The following ARHGAP21 variants were observed in gnomAD, a reference collection of about 807,000 sequenced individuals.
ARHGAP21 encodes Rho GTPase activating protein 21.
A neutral mutation model predicts 164.6 loss-of-function variants in ARHGAP21; 38 were observed. That is an observed-to-expected ratio of 0.23 (90% CI 0.18 to 0.30). The LOEUF is 0.30. Among genes scored for constraint, ARHGAP21 ranks in the 10% least tolerant of loss-of-function variants. The pLI is 1.00. For synonymous variants in ARHGAP21, 766 were observed against 857.9 expected, an observed-to-expected ratio of 0.89 and a Z score of 1.87; for missense variants, 1,822 against 2,370.7, an observed-to-expected ratio of 0.77 and a Z score of 4.81.
intron 2 of ARHGAP21, among the ~76,000 whole-genome samples, chr10:24,671,168 C>T (rs1380557766): frequency 6.6e-6 from 1 of 152,140 alleles, no homozygotes; most frequent in African/African-American, 2.4e-5. Context: ...TTACCCTCTC[C>T]CACTTCCTCA....
chr10:24,697,445 A>G (rs1843272240), intron 2 of ARHGAP21, among the ~76,000 whole-genome samples: 2 of 152,126 alleles, frequency 1.3e-5, no homozygotes, highest in Non-Finnish European at 2.9e-5. Flanking sequence ...CTTCTTCTCC[A>G]GGCTCCCCTC....
intron 7 of ARHGAP21, among the ~76,000 whole-genome samples, chr10:24,628,850 CATAT>C (rs369282461): frequency 8.9e-5 from 12 of 134,164 alleles, no homozygotes; most frequent in African/African-American, 3.1e-4. Context: ...TATACACATA[CATAT>C]ATATACACAT....
Position 24,591,893 on chromosome 10 carries a change from G to T in ARHGAP21, c.3996C>A (p.Ile1332=). The part of the protein sequence containing the change: ...PDQYKIVETL[I]QHHDWFFTEE... ...AGATGAAGCATGAACTTACGTGCTG[G>T]ATGAGCGTTTCTACAATCTTGTACT... Residue 1332 remains isoleucine, a synonymous_variant, in exon 22 of 26, where the codon ATC becomes ATA. Transcript: ENST00000396432. The T allele has an allele frequency of 6.2e-7, 1 of 1,606,862 alleles. No homozygotes were observed. The highest frequency in any genetic ancestry group is 8.5e-7 in the Non-Finnish European group (1 of 1,178,044).
intron 5 of ARHGAP21, among the ~76,000 whole-genome samples, chr10:24,634,576 T>C (rs922796065): frequency 3.9e-5 from 6 of 152,228 alleles, no homozygotes; most frequent in African/African-American, 1.2e-4. Flanking sequence ...ATGTTCCGCA[T>C]TGGAGACTTA....
Position 24,585,283 on chromosome 10 carries a change from G to T in ARHGAP21, c.5006C>A (p.Ser1669Tyr), listed in dbSNP as rs1192459581. ...QEVTKSSRRN[S>Y]EGSELSCTEG... is the part of the protein sequence containing the mutation. The stretch of plus-strand genomic sequence containing the variant: ...GGTGCAACTTAATTCACTTCCTTCA[G>T]AATTTCTCCGGCTGCTCTTAGTCAC... Residue 1669 changes from serine to tyrosine, a missense_variant, in exon 26 of 26, where the codon TCT becomes TAT. Around this residue, in one of 5 missense-constraint regions of ARHGAP21, gnomAD observed 117 missense variants for 193.2 expected, o/e 0.61. Coordinates refer to ENST00000396432, the MANE Select transcript of ARHGAP21 (RefSeq NM_020824.4). The T allele has an allele frequency of 1.2e-6, 2 of 1,608,658 alleles. No individual in the cohort carries two copies. Among genetic ancestry groups the T allele is most frequent in the Admixed American group, 1.7e-5 (1 of 59,908 alleles).
Position 24,619,893 on chromosome 10 carries a change from T to A in ARHGAP21, c.2002A>T (p.Arg668Trp), listed in dbSNP as rs1283589004. The change falls in exon 9 of 26, where the codon AGG (arginine) becomes TGG (tryptophan). Residue 668 changes from arginine to tryptophan, a missense_variant. Arg to Trp is a moderately radical substitution (Grantham distance 101, BLOSUM62 -3). Around this residue, in one of 5 missense-constraint regions of ARHGAP21, gnomAD observed 1,090 missense variants for 1,378.9 expected, o/e 0.79. Coordinates refer to ENST00000396432, the MANE Select transcript of ARHGAP21 (RefSeq NM_020824.4). ...TGCTGATCGGGGGCACTGTCAGTCCTTACCCATGTCTGCTGATTCAACAGA... is the reference window on the plus strand; with the variant it reads ...TGCTGATCGGGGGCACTGTCAGTCCATACCCATGTCTGCTGATTCAACAGA... The part of the protein sequence containing the change: ...NSLLNQQTWV[R>W]TDSAPDQQVE... The A allele has an allele frequency of 6.2e-7, 1 of 1,614,076 alleles. No individual in the cohort carries two copies. Among genetic ancestry groups the A allele is most frequent in the Non-Finnish European group, 8.5e-7 (1 of 1,180,044 alleles).
At chr10:24,597,606 T>C in intron 15 of ARHGAP21, 23 bp from the exon 16 acceptor site, 1 of 1,613,298 alleles carries the variant, frequency 6.2e-7, no homozygotes, top group East Asian at 2.2e-5. Flanking sequence ...ATGACATTTG[T>C]TAACAATTAC....
intron 4 of ARHGAP21, among the ~76,000 whole-genome samples, chr10:24,661,733 T>G (rs1337146926): frequency 5.3e-5 from 8 of 152,236 alleles, no homozygotes; most frequent in Admixed American, 5.2e-4. Context: ...AATGAGACAG[T>G]AAGATAAAAA....
At chr10:24,711,499 A>T (rs1844812402) in intron 2 of ARHGAP21, among the ~76,000 whole-genome samples, 1 of 152,202 alleles carries the variant, frequency 6.6e-6, no homozygotes, top group African/African-American at 2.4e-5. Context: ...TAGAAAACTC[A>T]AACCTGTTTC....
intron 21 of ARHGAP21, among the ~76,000 whole-genome samples, chr10:24,593,809 T>C (rs916185399): frequency 1.3e-5 from 2 of 152,150 alleles, no homozygotes; most frequent in African/African-American, 4.8e-5. Context: ...TATAATTATA[T>C]TGAAAACTCT....
At chr10:24,661,832 G>A (rs1012168992) in intron 4 of ARHGAP21, among the ~76,000 whole-genome samples, 4 of 152,192 alleles carry the variant, frequency 2.6e-5, no homozygotes, top group Non-Finnish European at 5.9e-5. Flanking sequence ...GTAAATAATT[G>A]TCTAGAAGTT....
At chr10:24,611,520 A>G (rs1041440564) in intron 9 of ARHGAP21, among the ~76,000 whole-genome samples, 12 of 152,250 alleles carry the variant, frequency 7.9e-5, no homozygotes, top group African/African-American at 2.9e-4. Flanking sequence ...CCTGGCCAAC[A>G]TGGTGAAGCT....
chr10:24,625,102 G>T, intron 7 of ARHGAP21, among the ~76,000 whole-genome samples: 2 of 79,128 alleles, frequency 2.5e-5, no homozygotes, highest in Non-Finnish European at 2.4e-5. Context: ...ATGACCCAAA[G>T]AATTCTTTCT....
At position 24,619,690 on chromosome 10, in the gene ARHGAP21, G is replaced by C; in HGVS notation, c.2205C>G (p.Val735=). ...CAGATGGAGGTTTTTCCCTTAGGATGACAGCTTCTTTATTATCTAAAGTAT... is the reference window on the plus strand; with the variant it reads ...CAGATGGAGGTTTTTCCCTTAGGATCACAGCTTCTTTATTATCTAAAGTAT... ...QSDTLDNKEA[V]ILREKPPSGR... The change falls in exon 9 of 26, where the codon GTC becomes GTG. Residue 735 remains valine (V), a synonymous_variant. Transcript: ENST00000396432. 4 of 1,614,124 alleles carry C rather than the reference G, an allele frequency of 2.5e-6. No homozygotes were observed. Among genetic ancestry groups the C allele is most frequent in the Non-Finnish European group, 3.4e-6 (4 of 1,180,018 alleles).
chr10:24,657,366 G>A (rs1403031421), intron 4 of ARHGAP21, among the ~76,000 whole-genome samples: 1 of 70,300 alleles, frequency 1.4e-5, no homozygotes, highest in Non-Finnish European at 2.7e-5. Flanking sequence ...CTGCCCGGCC[G>A]CCCCTACTGG....
chr10:24,643,584 T>A (rs1297598566), intron 4 of ARHGAP21, among the ~76,000 whole-genome samples: 1 of 152,244 alleles, frequency 6.6e-6, no homozygotes, highest in Non-Finnish European at 1.5e-5. Flanking sequence ...TCTTTCTTAC[T>A]AAGATTACCC....
rs184375503 is a variant in ARHGAP21, at chr10:24,661,055, A to G, written c.268+5930T>C. Among the ~76,000 whole-genome samples the G allele has an allele frequency of 1.4e-3, 211 of 151,812 alleles. 1 individual carries two copies. Among genetic ancestry groups the G allele is most frequent in the African/African-American group, 5.0e-3 (206 of 41,414 alleles). ...CACTGAAGCTGGCTGCTACCATCCC[A>G]CTATTCTTATTTTGATTATTTATAT... is the stretch of plus-strand genomic sequence containing the variant. On this transcript the variant is annotated intron_variant, in intron 4 of 25. Transcript: ENST00000396432.
intron 4 of ARHGAP21, among the ~76,000 whole-genome samples, chr10:24,656,271 G>C (rs1347117225): frequency 9.0e-6 from 1 of 111,608 alleles, no homozygotes; most frequent in African/African-American, 4.0e-5. Flanking sequence ...AGGCACCTCT[G>C]CCCGGCCGCC....
Position 24,619,740 on chromosome 10 carries a change from G to C in ARHGAP21, c.2155C>G (p.Gln719Glu). 1 of 1,614,108 alleles carries C rather than the reference G, an allele frequency of 6.2e-7. No homozygotes were observed. Among genetic ancestry groups the C allele is most frequent in the Non-Finnish European group, 8.5e-7 (1 of 1,180,026 alleles). Residue 719 changes from glutamine to glutamate, a missense_variant, in exon 9 of 26, where the codon CAA (glutamine) becomes GAA (glutamate). Gln to Glu is a conservative substitution (Grantham distance 29). Coordinates refer to ENST00000396432, the MANE Select transcript of ARHGAP21 (RefSeq NM_020824.4). ...VSQRNQDLSL[Q>E]EAETEQSDTL... Reference sequence around the variant, plus strand: ...TCTGATTGCTCAGTTTCAGCCTCTTGTAAACTTAAATCTTGATTCCTTTGA... The same window carrying C: ...TCTGATTGCTCAGTTTCAGCCTCTTCTAAACTTAAATCTTGATTCCTTTGA...
Sources: allele counts gnomAD v4.1 joint callset (sites outside exome capture counted in the v4.1 genomes callset), GRCh38; gene constraint gnomAD v4.1.1; regional missense constraint gnomAD v4.1.1; transcripts MANE v1.5; gene names NCBI Gene and HGNC (gene_info 2026-07-23, HGNC 2026-07-21).